The following CTNNA2 variants were observed in gnomAD, a reference collection of about 807,000 sequenced individuals.
The protein encoded by CTNNA2 is catenin alpha-2.
A neutral mutation model predicts 101.0 loss-of-function variants in CTNNA2; 42 were observed. The ratio of observed to expected loss-of-function variants is 0.42; its 90% CI spans 0.32 to 0.54. CTNNA2 has a LOEUF of 0.54. Among genes scored for constraint, CTNNA2 ranks in the 20% least tolerant of loss-of-function variants. The pLI is 0.14. For synonymous variants in CTNNA2, 450 were observed against 456.4 expected (o/e 0.99, Z 0.18); for missense variants, 871 against 1,223.1 (o/e 0.71, Z 4.29).
chr2:79,910,831 A>G (rs1179776237), intron 7 of CTNNA2, among the ~76,000 whole-genome samples: 1 of 152,200 alleles, frequency 6.6e-6, no homozygotes, highest in Non-Finnish European at 1.5e-5. Flanking sequence ...AAAAATATGT[A>G]GCTAACAGAC....
At chr2:79,201,645 G>T (rs1035101381) in intron 2 of CTNNA2, among the ~76,000 whole-genome samples, 1 of 152,106 alleles carries the variant, frequency 6.6e-6, no homozygotes, top group East Asian at 1.9e-4. Context: ...ATTCTCTGGA[G>T]GGGGAGCTTC....
chr2:79,668,179 G>T (rs1056500915), intron 2 of CTNNA2, among the ~76,000 whole-genome samples: 1 of 144,318 alleles, frequency 6.9e-6, no homozygotes, highest in East Asian at 2.3e-4. Context: ...AGTGGAGCTT[G>T]CAGTGAGCCG....
intron 2 of CTNNA2, among the ~76,000 whole-genome samples, chr2:79,741,161 A>G (rs1671263279): frequency 1.3e-5 from 2 of 152,160 alleles, no homozygotes; most frequent in Non-Finnish European, 2.9e-5. Flanking sequence ...TTAGTTTAAA[A>G]AGATAGACCC....
chr2:79,573,013 C>G (rs555940136), intron 1 of CTNNA2, among the ~76,000 whole-genome samples: 1 of 152,106 alleles, frequency 6.6e-6, no homozygotes, highest in Non-Finnish European at 1.5e-5. Context: ...ATTCAAATTA[C>G]ATTTCACTTT....
At chr2:79,552,508 C>G (rs1423717720) in intron 1 of CTNNA2, among the ~76,000 whole-genome samples, 1 of 152,178 alleles carries the variant, frequency 6.6e-6, no homozygotes, top group Non-Finnish European at 1.5e-5. Context: ...AGTGGGGACT[C>G]TGTGTAGGGG....
chr2:79,977,000 G>T (rs1383155775), intron 7 of CTNNA2, among the ~76,000 whole-genome samples: 1 of 152,092 alleles, frequency 6.6e-6, no homozygotes, highest in African/African-American at 2.4e-5. Flanking sequence ...CTGTAGAACT[G>T]CCATTTTGTT....
intron 4 of CTNNA2, among the ~76,000 whole-genome samples, chr2:79,448,398 ATATATT>A (rs1180523867): frequency 6.6e-6 from 1 of 152,076 alleles, no homozygotes; most frequent in African/African-American, 2.4e-5. Flanking sequence ...TTATGTTTTG[ATATATT>A]TATGCATTTA....
intron 1 of CTNNA2, among the ~76,000 whole-genome samples, chr2:79,632,266 A>T (rs928318381): frequency 6.6e-6 from 1 of 152,034 alleles, no homozygotes; most frequent in Non-Finnish European, 1.5e-5. Context: ...AGTAAAAAGC[A>T]CTTAAAATTC....
Position 80,236,087 on chromosome 2 carries a change from T to G in CTNNA2, c.1057-157124T>G, listed in dbSNP as rs185668736. Among the ~76,000 whole-genome samples the G allele has an allele frequency of 1.8e-3, 274 of 152,316 alleles. 2 individuals carry two copies. The highest frequency in any genetic ancestry group is 9.1e-4 in the Non-Finnish European group (62 of 68,036). ...TTTGGTTTTCTGTTCCTGCATTAGT[T>G]TGCTAGGGATAATGGCCTCCAGCTC... On this transcript the variant is annotated intron_variant, in intron 7 of 18. Transcript: ENST00000402739.
rs970901726 is a variant in CTNNA2 at position 79,823,114 on chromosome 2, C to T, written c.299-34899C>T. Among the ~76,000 whole-genome samples the T allele has an allele frequency of 2.0e-3, 301 of 152,256 alleles. 3 individuals are homozygous for T. Among genetic ancestry groups the T allele is most frequent in the African/African-American group, 6.7e-3 (280 of 41,550 alleles). ...CTCCCATCATAGCATCATAACAGAG[C>T]GACGACTTTTGTCTCTGTTGCAACT... On this transcript the variant is annotated intron_variant, in intron 3 of 18. Coordinates refer to ENST00000402739, the MANE Select transcript of CTNNA2 (RefSeq NM_001282597.3).
chr2:80,423,740 G>T (rs1353100502), intron 9 of CTNNA2, among the ~76,000 whole-genome samples: 1 of 152,116 alleles, frequency 6.6e-6, no homozygotes, highest in East Asian at 1.9e-4. Context: ...AACCATGCCA[G>T]TTCATAATGG....
At chr2:79,428,644 A>T (rs778111510) in intron 4 of CTNNA2, among the ~76,000 whole-genome samples, 25 of 152,150 alleles carry the variant, frequency 1.6e-4, no homozygotes, top group Non-Finnish European at 2.4e-4. Context: ...GGGCAAATGA[A>T]GTTTACAGGA....
chr2:79,376,860 C>T (rs548769088), intron 4 of CTNNA2, among the ~76,000 whole-genome samples: 3 of 152,258 alleles, frequency 2.0e-5, no homozygotes, highest in Non-Finnish European at 4.4e-5. Context: ...GTATATGTGC[C>T]ACATTTTCTT....
intron 7 of CTNNA2, among the ~76,000 whole-genome samples, chr2:80,089,189 T>G (rs1373453178): frequency 6.6e-6 from 1 of 152,006 alleles, no homozygotes; most frequent in East Asian, 1.9e-4. Context: ...TTCCTGTAAA[T>G]TCTGGATCTC....
At chr2:79,256,362 C>T (rs866173189) in intron 2 of CTNNA2, among the ~76,000 whole-genome samples, 30 of 152,320 alleles carry the variant, frequency 2.0e-4, no homozygotes, top group Middle Eastern at 3.4e-3. Flanking sequence ...TATAACTCAG[C>T]CCCTCCTCCA....
intron 4 of CTNNA2, among the ~76,000 whole-genome samples, chr2:79,457,497 G>A (rs1368224331): frequency 6.6e-6 from 1 of 152,120 alleles, no homozygotes; most frequent in East Asian, 1.9e-4. Context: ...CATTGGGGGG[G>A]AAATAAAATG....
At chr2:80,408,424 G>A (rs1230777460) in intron 8 of CTNNA2, among the ~76,000 whole-genome samples, 1 of 152,114 alleles carries the variant, frequency 6.6e-6, no homozygotes, top group East Asian at 1.9e-4. Context: ...CTCTTAGCCT[G>A]CCATCAAATC....
At chr2:80,162,769 A>G in intron 7 of CTNNA2, 2 of 1,592,428 alleles carry the variant, frequency 1.3e-6, no homozygotes, top group South Asian at 1.1e-5. Context: ...GAAGAAGCAA[A>G]TTTTCCACCA....
rs547274160 is a variant in CTNNA2 at position 80,008,960 on chromosome 2, C to T, written c.1056+99163C>T. ...CTTACAGAAAATATTTTAGACTTTC[C>T]GAGACACTGAAATGCCAGAGGAAGC... On this transcript the variant is annotated intron_variant, in intron 7 of 18. Coordinates refer to ENST00000402739, the MANE Select transcript of CTNNA2 (RefSeq NM_001282597.3). Among the ~76,000 whole-genome samples, 305 of 152,166 alleles carry T rather than the reference C, an allele frequency of 2.0e-3. 1 individual carries two copies. The highest frequency in any genetic ancestry group is 4.4e-3 in the South Asian group (21 of 4,816).
Sources: gnomAD v4.1 joint callset for allele counts (sites outside exome capture counted in the v4.1 genomes callset) on GRCh38, gnomAD v4.1.1 for gene constraint, MANE v1.5 for transcripts, NCBI Gene and HGNC (gene_info 2026-07-23, HGNC 2026-07-21) for gene names.